The following MAP3K7CL variants were observed in gnomAD, a reference collection of about 807,000 sequenced individuals.
The protein encoded by MAP3K7CL is MAP3K7 C-terminal-like protein.
In MAP3K7CL, 16 loss-of-function variants were observed where a neutral mutation model predicts 18.6. That is an observed-to-expected ratio of 0.86 (90% confidence interval 0.58 to 1.31). MAP3K7CL has a LOEUF of 1.31. MAP3K7CL is among the 50% of genes most tolerant of loss of function. MAP3K7CL has a pLI of 0.00. For missense variants in MAP3K7CL, 163 were observed against 174.4 expected, an observed-to-expected ratio of 0.93 and a Z score of 0.37; for synonymous variants, 65 against 66.8, an observed-to-expected ratio of 0.97 and a Z score of 0.13.
chr21:29,127,754 C>T (rs1479748872), upstream of MAP3K7CL: 2 of 152,214 alleles, frequency 1.3e-5, no homozygotes, highest in African/African-American at 2.4e-5. Context: ...GAGGACGTAG[C>T]TGTCAGTGTT....
At chr21:29,165,140 A>G (rs1459298930) in intron 4 of MAP3K7CL, among the ~76,000 whole-genome samples, 2 of 152,186 alleles carry the variant, frequency 1.3e-5, no homozygotes, top group East Asian at 3.8e-4. Context: ...TTAAGCTACA[A>G]TCAACTGTAA....
intron 4 of MAP3K7CL, among the ~76,000 whole-genome samples, chr21:29,119,855 G>T (rs1304129563): frequency 6.6e-6 from 1 of 151,882 alleles, no homozygotes; most frequent in African/African-American, 2.4e-5. Context: ...AATAGAGATG[G>T]GGTTTCACCA....
chr21:29,109,155 A>G (rs886458504), intron 4 of MAP3K7CL: 2 of 1,535,238 alleles, frequency 1.3e-6, no homozygotes, highest in African/African-American at 2.7e-5. Flanking sequence ...CCTCTTCCCT[A>G]ACGCCCTTTC....
At chr21:29,162,285 G>A (rs1360270200) in intron 4 of MAP3K7CL, among the ~76,000 whole-genome samples, 1 of 148,700 alleles carries the variant, frequency 6.7e-6, no homozygotes, top group Non-Finnish European at 1.5e-5. Context: ...GGAGGACTTT[G>A]TTATTTAAAT....
At position 29,130,739 on chromosome 21, in the gene MAP3K7CL, G is replaced by T; in HGVS notation, c.-224G>T. The T allele has an allele frequency of 1.0e-6, 1 of 985,578 alleles. No individual in the cohort carries two copies. Among genetic ancestry groups the T allele is most frequent in the Non-Finnish European group, 1.2e-6 (1 of 830,034 alleles). The allele number at this position is 985,578 out of a possible 1,614,324, so 61.1% of individuals were successfully genotyped here. ...AAGGGAGGTCCCGTGGGACGCTGGGGTCTGGGGCAGAGCAGGTAGCAGCGT... is the reference window on the plus strand; with the variant it reads ...AAGGGAGGTCCCGTGGGACGCTGGGTTCTGGGGCAGAGCAGGTAGCAGCGT... On this transcript the variant is annotated 5_prime_UTR_variant, in exon 1 of 5. Coordinates refer to ENST00000399928, the MANE Select transcript of MAP3K7CL (RefSeq NM_001286620.2).
intron 2 of MAP3K7CL, among the ~76,000 whole-genome samples, chr21:29,138,007 G>C (rs2086921806): frequency 6.6e-6 from 1 of 152,148 alleles, no homozygotes; most frequent in Admixed American, 6.5e-5. Flanking sequence ...ACTTAATTCA[G>C]GGTCCATTTT....
chr21:29,152,204 C>T (rs2832219), intron 3 of MAP3K7CL, among the ~76,000 whole-genome samples: 17,184 of 152,106 alleles, frequency 0.11, 1,274 homozygotes, highest in East Asian at 0.33. Context: ...TACTCCAGGG[C>T]GTGAGTGACT....
At chr21:29,088,770 G>A (rs924299523) in intron 1 of MAP3K7CL, among the ~76,000 whole-genome samples, 2 of 152,168 alleles carry the variant, frequency 1.3e-5, no homozygotes, top group African/African-American at 2.4e-5. Context: ...CCATTTGGGC[G>A]CTGCTTTCTC....
intron 2 of MAP3K7CL, among the ~76,000 whole-genome samples, chr21:29,134,373 T>C (rs2086839993): frequency 6.6e-6 from 1 of 151,984 alleles, no homozygotes. Flanking sequence ...AAAGTAGTAA[T>C]TGAAAAGGGA....
upstream of MAP3K7CL, among the ~76,000 whole-genome samples, chr21:29,129,964 T>G (rs972571281): frequency 9.2e-5 from 14 of 152,274 alleles, no homozygotes; most frequent in Non-Finnish European, 1.9e-4. Context: ...TGTAGTGAGA[T>G]ATCTTTCAGA....
chr21:29,098,436 C>T (rs1042003156), intron 4 of MAP3K7CL, among the ~76,000 whole-genome samples: 1 of 152,034 alleles, frequency 6.6e-6, no homozygotes, highest in South Asian at 2.1e-4. Flanking sequence ...TATATGGTCT[C>T]CATGGAGCAG....
At chr21:29,149,737 TTGACTTGTTGGACCCA>T (rs2087226068) in intron 3 of MAP3K7CL, among the ~76,000 whole-genome samples, 1 of 152,234 alleles carries the variant, frequency 6.6e-6, no homozygotes, top group African/African-American at 2.4e-5. Flanking sequence ...CTTCTGAAAA[TTGACTTGTTGGACCCA>T]TGACAAATTA....
chr21:29,102,713 T>C (rs964554122), intron 4 of MAP3K7CL: 3 of 152,162 alleles, frequency 2.0e-5, no homozygotes, highest in African/African-American at 7.2e-5. Context: ...ACTGGATAAA[T>C]GACTCAATTC....
chr21:29,136,855 C>T (rs2086897003), intron 2 of MAP3K7CL, among the ~76,000 whole-genome samples: 2 of 152,178 alleles, frequency 1.3e-5, no homozygotes, highest in Non-Finnish European at 2.9e-5. Flanking sequence ...TAGCCTAGTG[C>T]TCATTTCATC....
chr21:29,152,742 T>C (rs1010300120), intron 3 of MAP3K7CL, among the ~76,000 whole-genome samples: 1 of 152,210 alleles, frequency 6.6e-6, no homozygotes. Flanking sequence ...GTAAGCTAAC[T>C]GTTTTGTCTC....
At chr21:29,103,332 C>G (rs1403852512) in intron 4 of MAP3K7CL, among the ~76,000 whole-genome samples, 1 of 152,098 alleles carries the variant, frequency 6.6e-6, no homozygotes, top group Non-Finnish European at 1.5e-5. Context: ...TGGCTCACGT[C>G]TGTCATCCCA....
At position 29,133,525 on chromosome 21, in the gene MAP3K7CL, G is replaced by A. The variant is rs2086820511; in HGVS notation, c.70+111G>A. The A allele has an allele frequency of 7.7e-6, 5 of 649,310 alleles. No homozygotes were observed. In the South Asian group the frequency reaches 2.0e-4, roughly 25 times the overall value. The allele number at this position is 649,310 out of a possible 1,614,324, so 40.2% of individuals were successfully genotyped here. On this transcript the variant is annotated intron_variant, in intron 2 of 4. Transcript: ENST00000399928. Reference sequence around the variant, plus strand: ...TTAAAGTTGCATGCTTGCATGACCTGATGATGGGGAATGTGATATTTCATC... The same window carrying A: ...TTAAAGTTGCATGCTTGCATGACCTAATGATGGGGAATGTGATATTTCATC...
chr21:29,097,395 G>A (rs4349421), intron 4 of MAP3K7CL, among the ~76,000 whole-genome samples: 45,006 of 151,810 alleles, frequency 0.3, 6,876 homozygotes, highest in African/African-American at 0.36. Context: ...AGAGAAAAAC[G>A]CTCTTATAAA....
At chr21:29,109,250 A>C (rs1190453393) in intron 4 of MAP3K7CL, 1 of 1,534,742 alleles carries the variant, frequency 6.5e-7, no homozygotes, top group African/African-American at 1.4e-5. Flanking sequence ...GAAATTCCAT[A>C]TATACAACCA....
Sources: gnomAD v4.1 joint callset for allele counts (sites outside exome capture counted in the v4.1 genomes callset) on GRCh38, gnomAD v4.1.1 for gene constraint, MANE v1.5 for transcripts, NCBI Gene and HGNC (gene_info 2026-07-23, HGNC 2026-07-21) for gene names.